Variants in PTPRN2 observed in about 807,000 individuals in gnomAD.
The protein encoded by PTPRN2 is protein tyrosine phosphatase receptor type N2.
PTPRN2 carries 74 observed loss-of-function variants against 118.8 expected under a neutral mutation model. The ratio of observed to expected loss-of-function variants is 0.62; its 90% CI spans 0.52 to 0.76. The LOEUF (loss-of-function observed/expected upper bound fraction) is 0.76, where lower values mean the gene tolerates loss of function less well. Ranked by LOEUF, PTPRN2 falls within the 30% of genes least tolerant of loss-of-function variation. The probability of loss-of-function intolerance (pLI) is 0.00; values close to 1 mark genes in which losing one functional copy is unlikely to be tolerated. For missense variants in PTPRN2, 1,481 were observed against 1,394.4 expected, an observed-to-expected ratio of 1.06 and a Z score of -0.99; for synonymous variants, 641 against 608.0, an observed-to-expected ratio of 1.05 and a Z score of -0.80.
intron 2 of PTPRN2, among the ~76,000 whole-genome samples, chr7:158,441,188 G>A (rs1287582809): frequency 1.4e-5 from 2 of 147,242 alleles, no homozygotes. Context: ...CAGTGGTGGT[G>A]ATAGTGATGG....
intron 14 of PTPRN2, among the ~76,000 whole-genome samples, chr7:157,637,957 A>G (rs1403822695): frequency 1.3e-5 from 2 of 152,270 alleles, no homozygotes; most frequent in African/African-American, 2.4e-5. Flanking sequence ...GTCTTCTTCC[A>G]TAAGCAGAGG....
intron 11 of PTPRN2, among the ~76,000 whole-genome samples, chr7:158,020,000 G>A (rs1806753481): frequency 6.6e-6 from 1 of 152,170 alleles, no homozygotes; most frequent in Admixed American, 6.5e-5. Flanking sequence ...AACCACACCG[G>A]CCATCCAGGA....
At chr7:158,584,018 C>G (rs1828784598) in intron 1 of PTPRN2, among the ~76,000 whole-genome samples, 1 of 152,218 alleles carries the variant, frequency 6.6e-6, no homozygotes, top group African/African-American at 2.4e-5. Context: ...TGCCTCTCGG[C>G]TCTGTGTGGG....
rs1002937919 is a variant in PTPRN2 at position 158,265,965 on chromosome 7, C to T, written c.277+50854G>A. On this transcript the variant is annotated intron_variant, in intron 3 of 22. Coordinates refer to ENST00000389418, the MANE Select transcript of PTPRN2 (RefSeq NM_002847.5). ...GCTCAGACCCCACAGAGGCGCAGGG[C>T]TCCTTCGCCTCCCCAGGGGTTGGGG... Among the ~76,000 whole-genome samples, 3 of 152,176 alleles carry T rather than the reference C, an allele frequency of 2.0e-5. No homozygotes were observed. The East Asian group carries it at 5.8e-4, about 29-fold the overall frequency.
chr7:157,982,083 G>C (rs573935587), intron 11 of PTPRN2, among the ~76,000 whole-genome samples: 39 of 148,192 alleles, frequency 2.6e-4, no homozygotes, highest in Middle Eastern at 3.4e-3. Flanking sequence ...CAGAGTGCAG[G>C]GTCCCCTCTA....
intron 11 of PTPRN2, among the ~76,000 whole-genome samples, chr7:158,006,512 G>A (rs1563321902): frequency 6.6e-6 from 1 of 152,226 alleles, no homozygotes; most frequent in African/African-American, 2.4e-5. Context: ...GAGTCCCAGC[G>A]CCAGGCAAAG....
At chr7:158,321,070 A>G (rs1045366725) in intron 2 of PTPRN2, among the ~76,000 whole-genome samples, 1 of 152,040 alleles carries the variant, frequency 6.6e-6, no homozygotes, top group African/African-American at 2.4e-5. Context: ...GTCAAATCTC[A>G]ATCAGGAAAG....
intron 12 of PTPRN2, among the ~76,000 whole-genome samples, chr7:157,807,503 C>T (rs1010082099): frequency 6.6e-6 from 1 of 152,156 alleles, no homozygotes; most frequent in Non-Finnish European, 1.5e-5. Flanking sequence ...AGACCTGGGG[C>T]CATGGGGAGG....
chr7:158,160,449 G>A (rs542073386), intron 6 of PTPRN2, among the ~76,000 whole-genome samples: 102 of 152,312 alleles, frequency 6.7e-4, no homozygotes, highest in African/African-American at 2.2e-3. Flanking sequence ...CACACCAGCC[G>A]TCCCTGGGTC....
At chr7:158,193,754 C>G (rs1217354868) in intron 4 of PTPRN2, among the ~76,000 whole-genome samples, 1 of 152,034 alleles carries the variant, frequency 6.6e-6, no homozygotes, top group Non-Finnish European at 1.5e-5. Context: ...CCCACGGAGG[C>G]CTTTGCTTTT....
Position 157,789,604 on chromosome 7 carries a change from C to A in PTPRN2, c.1789-106667G>T, listed in dbSNP as rs76049237. 5.2e-3 allele frequency among the ~76,000 whole-genome samples: 790 copies of A among 152,242 alleles called. 15 individuals are homozygous for A. Among genetic ancestry groups the A allele is most frequent in the South Asian group, 0.046 (220 of 4,830 alleles). Reference sequence around the variant, plus strand: ...CTCCGTGGTCCCCTGAGGTCCCCAGCCTTTGACAGTGTGTGTGTATGTGGT... The same window carrying A: ...CTCCGTGGTCCCCTGAGGTCCCCAGACTTTGACAGTGTGTGTGTATGTGGT... On this transcript the variant is annotated intron_variant, in intron 12 of 22. Coordinates refer to ENST00000389418, the MANE Select transcript of PTPRN2 (RefSeq NM_002847.5).
intron 11 of PTPRN2, among the ~76,000 whole-genome samples, chr7:157,961,908 C>T (rs1585094382): frequency 1.3e-5 from 2 of 151,874 alleles, no homozygotes; most frequent in South Asian, 4.2e-4. Context: ...CGGCGGCGGC[C>T]GCACCGGGAC....
intron 10 of PTPRN2, among the ~76,000 whole-genome samples, chr7:158,108,006 C>A (rs1178721403): frequency 1.3e-5 from 2 of 151,910 alleles, no homozygotes; most frequent in Non-Finnish European, 2.9e-5. Flanking sequence ...CTGCTGCCTA[C>A]TGCAGGCCCA....
In PTPRN2 at chr7:157,646,368, G is replaced by A. The variant is rs554986699; in HGVS notation, c.2196+9989C>T. Among the ~76,000 whole-genome samples, 5 of 152,250 alleles carry A rather than the reference G, an allele frequency of 3.3e-5. No individual in the cohort carries two copies. The South Asian group carries it at 8.3e-4, about 25-fold the overall frequency. ...ACTCCCCATCTGTTCTCTCCCTCCTGCACCTGCCATGTGACGTCTTGGCTC... is the reference window on the plus strand; with the variant it reads ...ACTCCCCATCTGTTCTCTCCCTCCTACACCTGCCATGTGACGTCTTGGCTC... On this transcript the variant is annotated intron_variant, in intron 14 of 22. Transcript: ENST00000389418.
chr7:157,909,935 T>A (rs1030806099), intron 11 of PTPRN2, among the ~76,000 whole-genome samples: 2 of 152,226 alleles, frequency 1.3e-5, no homozygotes, highest in African/African-American at 4.8e-5. Context: ...AACTCCCTAG[T>A]GGCAGCGTTA....
rs1796141267 is a variant in PTPRN2 at position 157,881,711 on chromosome 7, T to C, written c.1788+16962A>G. Among the ~76,000 whole-genome samples the C allele has an allele frequency of 6.6e-6, 1 of 151,702 alleles. No individual in the cohort carries two copies. On this transcript the variant is annotated intron_variant, in intron 12 of 22. Coordinates refer to ENST00000389418, the MANE Select transcript of PTPRN2 (RefSeq NM_002847.5). This position sits in a 1 kb window ranked among gnomAD's most constrained non-coding sequence, Gnocchi z 4.7. ...CTTGTCAACAGAAGAAAGTTACTTCTTAAGAATGTTCTTTTTGCTTTATGA... is the reference window on the plus strand; with the variant it reads ...CTTGTCAACAGAAGAAAGTTACTTCCTAAGAATGTTCTTTTTGCTTTATGA...
Position 157,813,724 on chromosome 7 carries a change from A to G in PTPRN2, c.1788+84949T>C, listed in dbSNP as rs1054939917. 6.6e-6 allele frequency among the ~76,000 whole-genome samples: 1 copy of G among 152,158 alleles called. No homozygotes were observed. Among genetic ancestry groups the G allele is most frequent in the Non-Finnish European group, 1.5e-5 (1 of 68,040 alleles). Reference sequence around the variant, plus strand: ...TGCTTTTTAATTAGCAGCTGCCCCGAGTGCTCCAGCTGCCCTGCGTGTGGC... The same window carrying G: ...TGCTTTTTAATTAGCAGCTGCCCCGGGTGCTCCAGCTGCCCTGCGTGTGGC... On this transcript the variant is annotated intron_variant, in intron 12 of 22. Coordinates refer to ENST00000389418, the MANE Select transcript of PTPRN2 (RefSeq NM_002847.5). This position sits in a 1 kb window ranked among gnomAD's most constrained non-coding sequence, Gnocchi z 4.7.
chr7:157,672,391 C>A (rs1383500263), intron 13 of PTPRN2, among the ~76,000 whole-genome samples: 1 of 152,132 alleles, frequency 6.6e-6, no homozygotes, highest in Non-Finnish European at 1.5e-5. Flanking sequence ...GGGATGGGGA[C>A]AGAAATAATT....
At chr7:158,214,056 C>T (rs1471661651) in intron 3 of PTPRN2, among the ~76,000 whole-genome samples, 1 of 151,960 alleles carries the variant, frequency 6.6e-6, no homozygotes, top group Non-Finnish European at 1.5e-5. Flanking sequence ...TCTCAGCCTT[C>T]CCGGAAGTCA....
Sources: allele counts gnomAD v4.1 joint callset (sites outside exome capture counted in the v4.1 genomes callset), GRCh38; gene constraint gnomAD v4.1.1; non-coding constraint Gnocchi (gnomAD v3.1); transcripts MANE v1.5; gene names NCBI Gene and HGNC (gene_info 2026-07-23, HGNC 2026-07-21).